Variants in NAV3 observed in about 807,000 individuals in gnomAD.
NAV3 encodes the protein pore membrane and/or filament interacting like protein 1.
Under a neutral mutation model 244.7 loss-of-function variants are expected in NAV3, and 87 were observed. The ratio of observed to expected loss-of-function variants is 0.36; its 90% CI spans 0.30 to 0.42. The LOEUF (loss-of-function observed/expected upper bound fraction) is 0.42. NAV3 is among the 20% of genes least tolerant of loss of function. The pLI, the probability that NAV3 is intolerant of heterozygous loss-of-function variation, is 1.00. For missense variants in NAV3, 2,663 were observed against 2,893.3 expected, an observed-to-expected ratio of 0.92 and a Z score of 1.83; for synonymous variants, 1,126 against 1,042.2, an observed-to-expected ratio of 1.08 and a Z score of -1.55.
At chr12:77,929,164 T>C (rs764945968) in intron 1 of NAV3, among the ~76,000 whole-genome samples, 1 of 152,226 alleles carries the variant, frequency 6.6e-6, no homozygotes, top group Non-Finnish European at 1.5e-5. Context: ...ATGAAATATA[T>C]CATTAGTAAT....
chr12:78,075,636 A>T (rs1274100341), intron 12 of NAV3, among the ~76,000 whole-genome samples: 1 of 152,194 alleles, frequency 6.6e-6, no homozygotes, highest in East Asian at 1.9e-4. Flanking sequence ...TTAAGTGAAA[A>T]GAGAGTATGA....
intron 2 of NAV3, among the ~76,000 whole-genome samples, chr12:77,657,431 C>T (rs1488199926): frequency 2.6e-5 from 4 of 152,148 alleles, no homozygotes; most frequent in African/African-American, 4.8e-5. Flanking sequence ...TCTGAATAGA[C>T]CAATAACAGG....
chr12:77,606,364 G>C (rs1209649491), intron 2 of NAV3, among the ~76,000 whole-genome samples: 1 of 152,100 alleles, frequency 6.6e-6, no homozygotes, highest in African/African-American at 2.4e-5. Flanking sequence ...AGCCTCACTT[G>C]TTATAGTTTT....
At chr12:78,117,484 A>T (rs990185636) in intron 13 of NAV3, among the ~76,000 whole-genome samples, 4 of 146,918 alleles carry the variant, frequency 2.7e-5, no homozygotes, top group African/African-American at 9.9e-5. Context: ...ATATATTAAT[A>T]TATAATGTAT....
At chr12:77,915,857 C>A (rs1887092505) in intron 1 of NAV3, among the ~76,000 whole-genome samples, 11 of 151,982 alleles carry the variant, frequency 7.2e-5, no homozygotes, top group Admixed American at 6.6e-4. Context: ...TAGACCCTGT[C>A]CCCACCACTG....
intron 1 of NAV3, among the ~76,000 whole-genome samples, chr12:77,926,639 G>T (rs1197245115): frequency 2.0e-5 from 3 of 152,144 alleles, no homozygotes; most frequent in Non-Finnish European, 4.4e-5. Flanking sequence ...CCACGCCAGA[G>T]GTTCTCAAAC....
intron 2 of NAV3, among the ~76,000 whole-genome samples, chr12:77,764,308 T>G (rs1869635245): frequency 6.6e-6 from 1 of 152,224 alleles, no homozygotes. Context: ...AAAATCACCC[T>G]GCTTGCCACT....
chr12:77,805,831 C>A (rs143311366), intron 2 of NAV3, among the ~76,000 whole-genome samples: 45 of 152,262 alleles, frequency 3.0e-4, no homozygotes, highest in Non-Finnish European at 5.9e-4. Context: ...TTAATTACTG[C>A]CTCAATTTCA....
chr12:78,168,694 A>C (rs538401273), intron 23 of NAV3, 61 bp from the exon 24 acceptor site: 2 of 1,084,772 alleles, frequency 1.8e-6, no homozygotes, highest in Admixed American at 4.5e-5. Context: ...TTCAACTATG[A>C]GCAGGGAGAT....
intron 1 of NAV3, among the ~76,000 whole-genome samples, chr12:77,900,574 G>A (rs1194882963): frequency 4.2e-5 from 5 of 120,240 alleles, no homozygotes; most frequent in Admixed American, 2.4e-4. Flanking sequence ...ACACGCGTAT[G>A]TGTGTGTGTG....
intron 2 of NAV3, among the ~76,000 whole-genome samples, chr12:77,668,744 G>A (rs568516664): frequency 3.8e-4 from 58 of 152,222 alleles, no homozygotes; most frequent in South Asian, 1.2e-3. Context: ...GGAGGAAAAC[G>A]TCGTCCTTGG....
chr12:77,772,218 G>T (rs6538338), intron 2 of NAV3, among the ~76,000 whole-genome samples: 143,271 of 152,196 alleles, frequency 0.94, 68,083 homozygotes, highest in East Asian at 1. Flanking sequence ...CTTAGACCTG[G>T]CTGATTTCTA....
At chr12:78,025,181 C>T (rs566499740) in intron 9 of NAV3, among the ~76,000 whole-genome samples, 1 of 152,148 alleles carries the variant, frequency 6.6e-6, no homozygotes, top group Non-Finnish European at 1.5e-5. Flanking sequence ...ATCCAAGGAT[C>T]AAGTCTCAGG....
intron 9 of NAV3, 72 bp from the exon 10 acceptor site, chr12:78,049,921 T>G (rs1000583157): frequency 1.1e-6 from 1 of 943,098 alleles, no homozygotes; most frequent in African/African-American, 1.7e-5. Context: ...GGTGACTTAA[T>G]TATCTAGGTA....
intron 2 of NAV3, among the ~76,000 whole-genome samples, chr12:77,641,370 ATTAAT>A (rs1254152740): frequency 6.6e-6 from 1 of 152,086 alleles, no homozygotes; most frequent in Non-Finnish European, 1.5e-5. Context: ...CAGTCAAGAC[ATTAAT>A]TTACAAGGCT....
chr12:77,909,513 G>GA (rs754260081), intron 1 of NAV3, among the ~76,000 whole-genome samples: 1 of 151,926 alleles, frequency 6.6e-6, no homozygotes, highest in South Asian at 2.1e-4. Flanking sequence ...GTACCACATG[G>GA]AAAAAAGGCA....
chr12:78,033,930 A>C (rs181714199), intron 9 of NAV3, among the ~76,000 whole-genome samples: 1 of 152,316 alleles, frequency 6.6e-6, no homozygotes, highest in East Asian at 1.9e-4. Flanking sequence ...TCCTTTGGTC[A>C]TAAAATCAAC....
intron 2 of NAV3, among the ~76,000 whole-genome samples, chr12:77,800,441 A>G (rs967397194): frequency 6.6e-6 from 1 of 152,124 alleles, no homozygotes; most frequent in African/African-American, 2.4e-5. Flanking sequence ...CAATGGTTCA[A>G]TGTTCTTGGT....
intron 1 of NAV3, among the ~76,000 whole-genome samples, chr12:77,903,074 T>G (rs886926933): frequency 5.3e-5 from 8 of 152,150 alleles, no homozygotes; most frequent in Non-Finnish European, 8.8e-5. Context: ...CTGCCCCAGG[T>G]AATTTATAGA....
Sources: allele counts gnomAD v4.1 joint callset (sites outside exome capture counted in the v4.1 genomes callset), GRCh38; gene constraint gnomAD v4.1.1; transcripts MANE v1.5; gene names NCBI Gene and HGNC (gene_info 2026-07-23, HGNC 2026-07-21).